The following SLC7A14 variants were observed in gnomAD, a reference collection of about 807,000 sequenced individuals.
SLC7A14 encodes the protein solute carrier family 7 member 14.
A neutral mutation model predicts 60.2 loss-of-function variants in SLC7A14; 37 were observed. That is an observed-to-expected ratio of 0.61 (90% confidence interval 0.47 to 0.81). The LOEUF (loss-of-function observed/expected upper bound fraction) is 0.81, where lower values mean the gene tolerates loss of function less well. Ranked by LOEUF, SLC7A14 falls within the 30% of genes least tolerant of loss-of-function variation. The probability of loss-of-function intolerance (pLI) is 0.00; values close to 1 mark genes in which losing one functional copy is unlikely to be tolerated. For missense variants in SLC7A14, 886 were observed against 982.7 expected (o/e 0.90, Z 1.32); for synonymous variants, 399 against 395.8 (o/e 1.01, Z -0.10).
chr3:170,578,381 TA>T (rs112776388), intron 1 of SLC7A14, among the ~76,000 whole-genome samples: 22,967 of 152,234 alleles, frequency 0.15, 1,790 homozygotes, highest in East Asian at 0.21. Flanking sequence ...GCTCTTCTAG[TA>T]AAAAATTGAG....
In SLC7A14 at chr3:170,470,308, A is replaced by ATGTGTGTGTGTGTGTGTGTGTGTG. The variant is rs60682275; in HGVS notation, c.1994-2955_1994-2932dup. Among the ~76,000 whole-genome samples the ATGTGTGTGTGTGTGTGTGTGTGTG allele has an allele frequency of 1.6e-3, 229 of 143,678 alleles. 1 individual carries two copies. The highest frequency in any genetic ancestry group is 4.5e-3 in the African/African-American group (176 of 38,762). The allele number at this position is 143,678 out of a possible 152,430, so 94.3% of individuals were successfully genotyped here. A position where few individuals can be genotyped will look rare whatever the true frequency, so the allele number is the denominator to read the frequency against. ...GGGAGTGGCCAGGCCTGGAAGGAAC[A>ATGTGTGTGTGTGTGTGTGTGTGTG]TGTGTGTGTGTGTGTGTGTGTGTGT... On this transcript the variant is annotated intron_variant, in intron 7 of 7. Coordinates refer to ENST00000231706, the MANE Select transcript of SLC7A14 (RefSeq NM_020949.3).
chr3:170,570,252 C>T (rs765091782), intron 1 of SLC7A14: 27 of 152,432 alleles, frequency 1.8e-4, no homozygotes, highest in Non-Finnish European at 3.7e-4. Context: ...TTGAGATCAG[C>T]CTGGGCAACA....
At chr3:170,470,718 A>G (rs1739875313) in intron 7 of SLC7A14, among the ~76,000 whole-genome samples, 1 of 143,258 alleles carries the variant, frequency 7.0e-6, no homozygotes, top group Admixed American at 6.9e-5. Context: ...AGAGAGGAAC[A>G]GATGAAGGGA....
intron 4 of SLC7A14, among the ~76,000 whole-genome samples, chr3:170,489,033 A>G (rs942250761): frequency 6.6e-6 from 1 of 152,218 alleles, no homozygotes; most frequent in Non-Finnish European, 1.5e-5. Context: ...GAAAATCTCC[A>G]GGACACTGGT....
intron 1 of SLC7A14, among the ~76,000 whole-genome samples, chr3:170,564,389 G>A (rs898525670): frequency 2.6e-5 from 4 of 152,218 alleles, no homozygotes; most frequent in Admixed American, 6.5e-5. Flanking sequence ...GCTGGAGCTG[G>A]AAGAAACAAT....
intron 7 of SLC7A14, 62 bp downstream of exon 7, chr3:170,480,227 T>C: frequency 6.8e-7 from 1 of 1,481,476 alleles, no homozygotes; most frequent in South Asian, 1.5e-5. Context: ...GAGGTAATTT[T>C]GGGATAAGCA....
At chr3:170,541,352 C>T (rs890961910) in intron 1 of SLC7A14, among the ~76,000 whole-genome samples, 1 of 152,192 alleles carries the variant, frequency 6.6e-6, no homozygotes, top group Non-Finnish European at 1.5e-5. Context: ...AATCCCAGCA[C>T]TTTGGGAAGC....
At chr3:170,475,173 G>A (rs1441399610) in intron 7 of SLC7A14, among the ~76,000 whole-genome samples, 2 of 152,216 alleles carry the variant, frequency 1.3e-5, no homozygotes, top group Non-Finnish European at 2.9e-5. Flanking sequence ...GGATAATCTT[G>A]TTGGGGCTTG....
rs542764477 is a variant in SLC7A14 at position 170,477,931 on chromosome 3, T to C, written c.1993+2358A>G. Among the ~76,000 whole-genome samples, 6 of 152,310 alleles carry C rather than the reference T, an allele frequency of 3.9e-5. No homozygotes were observed. The South Asian group carries it at 1.0e-3, about 26-fold the overall frequency. ...ATATTTGTGTCTGTGTCTTGAATAATTTGACAAATACATGACTGAAATATT... is the reference window on the plus strand; with the variant it reads ...ATATTTGTGTCTGTGTCTTGAATAACTTGACAAATACATGACTGAAATATT... On this transcript the variant is annotated intron_variant, in intron 7 of 7. Coordinates refer to ENST00000231706, the MANE Select transcript of SLC7A14 (RefSeq NM_020949.3).
intron 2 of SLC7A14, among the ~76,000 whole-genome samples, chr3:170,514,778 C>T (rs1713098480): frequency 2.0e-5 from 3 of 152,186 alleles, no homozygotes; most frequent in African/African-American, 7.2e-5. Flanking sequence ...GCACTAAGAA[C>T]CTAGTCTTGT....
chr3:170,495,249 G>A (rs1712345712), intron 4 of SLC7A14, among the ~76,000 whole-genome samples: 1 of 152,192 alleles, frequency 6.6e-6, no homozygotes, highest in Non-Finnish European at 1.5e-5. Context: ...AAAACTGAAA[G>A]CACAGAAGTT....
At chr3:170,559,705 A>C (rs1577562474) in intron 1 of SLC7A14, among the ~76,000 whole-genome samples, 1 of 152,344 alleles carries the variant, frequency 6.6e-6, no homozygotes, top group Middle Eastern at 3.4e-3. Context: ...CAAGTGACAT[A>C]ATACAGTTTA....
chr3:170,530,316 G>C (rs1048277872), intron 1 of SLC7A14, among the ~76,000 whole-genome samples: 2 of 152,214 alleles, frequency 1.3e-5, no homozygotes, highest in Non-Finnish European at 2.9e-5. Flanking sequence ...TGTTGCATCT[G>C]CTGGGATCTA....
chr3:170,496,415 G>C, intron 4 of SLC7A14: 5 of 1,363,724 alleles, frequency 3.7e-6, no homozygotes, highest in Non-Finnish European at 5.2e-6. Context: ...AAGGCCAGAG[G>C]GCTTCCCTGG....
chr3:170,585,810 G>A lies in SLC7A14; in HGVS notation c.-153+101C>T, dbSNP rs982617469. 2.0e-5 allele frequency: 3 copies of A among 152,282 alleles called. No individual in the cohort carries two copies. The highest frequency in any genetic ancestry group is 2.9e-5 in the Non-Finnish European group (2 of 68,122). The allele number at this position is 152,282 out of a possible 1,614,324, so 9.4% of individuals were successfully genotyped here. ...CGCTCCCGGTGACTCCGGCTCCCTG[G>A]GTCATTCCGGGAGAGGCGGCCATCC... On this transcript the variant is annotated intron_variant, in intron 1 of 7. Coordinates refer to ENST00000231706, the MANE Select transcript of SLC7A14 (RefSeq NM_020949.3). This position sits in a 1 kb window ranked among gnomAD's most constrained non-coding sequence, Gnocchi z 5.1.
rs1711717498 is a variant in SLC7A14, at chr3:170,478,860, A to G, written c.1993+1429T>C. Among the ~76,000 whole-genome samples the G allele has an allele frequency of 2.6e-5, 4 of 152,204 alleles. No homozygotes were observed. In the South Asian group the frequency reaches 8.3e-4, roughly 32 times the overall value. ...CTCTGTGGGCTGGGCACAGTGGCTCATGCCTGTAATCCCAGCACTTTGGGA... is the reference window on the plus strand; with the variant it reads ...CTCTGTGGGCTGGGCACAGTGGCTCGTGCCTGTAATCCCAGCACTTTGGGA... On this transcript the variant is annotated intron_variant, in intron 7 of 7. Transcript: ENST00000231706.
At chr3:170,537,483 A>T (rs1485136365) in intron 1 of SLC7A14, among the ~76,000 whole-genome samples, 1 of 152,236 alleles carries the variant, frequency 6.6e-6, no homozygotes, top group African/African-American at 2.4e-5. Flanking sequence ...TCTCTGGGGA[A>T]CATTATTCCA....
intron 1 of SLC7A14, among the ~76,000 whole-genome samples, chr3:170,530,775 T>C (rs1409210996): frequency 6.6e-6 from 1 of 152,194 alleles, no homozygotes; most frequent in East Asian, 1.9e-4. Flanking sequence ...CCAGTGGGAC[T>C]CTGCAGCCAG....
rs563642888 is a variant in SLC7A14 at position 170,459,904 on chromosome 3, C to T, written c.*7151G>A. 1 of 152,142 alleles carries T rather than the reference C, an allele frequency of 6.6e-6. No individual in the cohort carries two copies. Among genetic ancestry groups the T allele is most frequent in the East Asian group, 1.9e-4 (1 of 5,182 alleles). 9.4% of individuals were successfully genotyped at this position (152,142 alleles called of 1,614,324 possible). ...ATAAACCCATTTTTAAATTTAAAGGCACACAATAAAGCTTTATGCATTTAT... is the reference window on the plus strand; with the variant it reads ...ATAAACCCATTTTTAAATTTAAAGGTACACAATAAAGCTTTATGCATTTAT... On this transcript the variant is annotated 3_prime_UTR_variant, in exon 8 of 8. Coordinates refer to ENST00000231706, the MANE Select transcript of SLC7A14 (RefSeq NM_020949.3).
Sources: allele counts gnomAD v4.1 joint callset (sites outside exome capture counted in the v4.1 genomes callset), GRCh38; gene constraint gnomAD v4.1.1; non-coding constraint Gnocchi (gnomAD v3.1); transcripts MANE v1.5; gene names NCBI Gene and HGNC (gene_info 2026-07-23, HGNC 2026-07-21).